The following CRYBG1 variants were observed in gnomAD, a reference collection of about 807,000 sequenced individuals.
The protein encoded by CRYBG1 is crystallin beta-gamma domain containing 1, also known as beta/gamma crystallin domain-containing protein 1.
CRYBG1 carries 139 observed loss-of-function variants against 189.2 expected under a neutral mutation model. That is an observed-to-expected ratio of 0.73 (90% CI 0.64 to 0.85). CRYBG1 has a LOEUF of 0.85. CRYBG1 is among the 40% of genes least tolerant of loss of function. CRYBG1 has a pLI of 0.00. For synonymous variants in CRYBG1, 1,023 were observed against 1,017.1 expected, an observed-to-expected ratio of 1.01 and a Z score of -0.11; for missense variants, 2,611 against 2,675.8, an observed-to-expected ratio of 0.98 and a Z score of 0.53.
intron 6 of CRYBG1, 84 bp from the exon 7 acceptor site, chr6:106,527,221 A>T (rs558987588): frequency 3.9e-5 from 43 of 1,106,434 alleles, no homozygotes; most frequent in African/African-American, 2.5e-4. Context: ...TATATATATA[A>T]AATGGCAATT....
intron 2 of CRYBG1, among the ~76,000 whole-genome samples, chr6:106,478,949 A>G (rs61413871): frequency 0.23 from 35,279 of 152,056 alleles, 5,753 homozygotes; most frequent in African/African-American, 0.45. Flanking sequence ...AGGAAAAGAA[A>G]CTCAGGGCTT....
At chr6:106,463,002 A>T (rs1004532143) in intron 2 of CRYBG1, among the ~76,000 whole-genome samples, 2 of 152,210 alleles carry the variant, frequency 1.3e-5, no homozygotes, top group Non-Finnish European at 2.9e-5. Flanking sequence ...AAAAATTTTA[A>T]AATTAGCTAG....
intron 2 of CRYBG1, among the ~76,000 whole-genome samples, chr6:106,466,892 G>A (rs1184821186): frequency 6.6e-6 from 1 of 152,210 alleles, no homozygotes; most frequent in African/African-American, 2.4e-5. Flanking sequence ...AGACATATTT[G>A]TGATAAATGA....
At chr6:106,511,203 G>GA (rs1204029929) in intron 2 of CRYBG1, among the ~76,000 whole-genome samples, 2 of 152,186 alleles carry the variant, frequency 1.3e-5, no homozygotes, top group African/African-American at 4.8e-5. Flanking sequence ...ATAATTCAAA[G>GA]AAAATGCTAT....
At chr6:106,566,166 T>G (rs1428275326) in intron 21 of CRYBG1, among the ~76,000 whole-genome samples, 3 of 108,188 alleles carry the variant, frequency 2.8e-5, no homozygotes, top group African/African-American at 1.2e-4. Flanking sequence ...GGCACCAGCG[T>G]GAAAAAAAAA....
At chr6:106,481,164 C>T (rs1582787142) in intron 2 of CRYBG1, among the ~76,000 whole-genome samples, 1 of 81,718 alleles carries the variant, frequency 1.2e-5, no homozygotes, top group African/African-American at 5.6e-5. Context: ...TTAGTAGAGA[C>T]GGGGTTTCAC....
intron 1 of CRYBG1, among the ~76,000 whole-genome samples, chr6:106,405,992 C>T (rs1378473877): frequency 1.3e-5 from 2 of 152,086 alleles, no homozygotes; most frequent in Non-Finnish European, 2.9e-5. Flanking sequence ...CACAACTCTT[C>T]GCCAGCAAGG....
chr6:106,565,378 C>T (rs9486399), intron 21 of CRYBG1, among the ~76,000 whole-genome samples: 21,473 of 151,596 alleles, frequency 0.14, 1,743 homozygotes, highest in African/African-American at 0.21. Flanking sequence ...TAAAAAACAA[C>T]TTTTCTGGAT....
At position 106,512,439 on chromosome 6, in the gene CRYBG1, C is replaced by A; in HGVS notation, c.1322C>A (p.Ala441Asp). 1 of 1,610,212 alleles carries A rather than the reference C, an allele frequency of 6.2e-7. No homozygotes were observed. Among genetic ancestry groups the A allele is most frequent in the Non-Finnish European group, 8.5e-7 (1 of 1,178,842 alleles). Residue 441 changes from alanine to aspartate, a missense_variant, in exon 3 of 22, where the codon GCT becomes GAT. Physicochemically the swap from Ala to Asp is moderately radical, Grantham distance 126. Around this residue, in one of 3 missense-constraint regions of CRYBG1, gnomAD observed 985 missense variants for 924.4 expected, o/e 1.07. Transcript: ENST00000633556. ...GCGGACGCCGAGCTCCCTGAGAGCG[C>A]TGCCAGGGACGACGCGGTGTTCGAC... ...PGADAELPES[A>D]ARDDAVFDDE...
At chr6:106,377,303 G>A (rs751188438) in intron 1 of CRYBG1, among the ~76,000 whole-genome samples, 3 of 152,042 alleles carry the variant, frequency 2.0e-5, no homozygotes, top group African/African-American at 2.4e-5. Flanking sequence ...TGGATACCAC[G>A]TTTTTGGCAT....
Position 106,512,002 on chromosome 6 carries a change from T to A in CRYBG1, c.885T>A (p.Gly295=). 1 of 1,529,620 alleles carries A rather than the reference T, an allele frequency of 6.5e-7. No homozygotes were observed. The highest frequency in any genetic ancestry group is 8.7e-7 in the Non-Finnish European group (1 of 1,143,450). 94.8% of individuals were successfully genotyped at this position (1,529,620 alleles called of 1,614,324 possible). Reference sequence around the variant, plus strand: ...AGGAGGCTTTCCTGGGTGTGAGGGGTGCGCCAGGGTCGCCCACCCAGGAGC... The same window carrying A: ...AGGAGGCTTTCCTGGGTGTGAGGGGAGCGCCAGGGTCGCCCACCCAGGAGC... ...HEQEAFLGVR[G]APGSPTQERP... is the part of the protein sequence containing the mutation. The change falls in exon 3 of 22, where the codon GGT becomes GGA. Residue 295 remains glycine (G), a synonymous_variant. Coordinates refer to ENST00000633556, the MANE Select transcript of CRYBG1 (RefSeq NM_001371242.2).
At chr6:106,378,829 T>C (rs1770227109) in intron 1 of CRYBG1, among the ~76,000 whole-genome samples, 1 of 152,192 alleles carries the variant, frequency 6.6e-6, no homozygotes, top group East Asian at 1.9e-4. Context: ...TCTTCTTCCC[T>C]TTTTTTAAAA....
chr6:106,555,157 T>G (rs546128517), intron 16 of CRYBG1, among the ~76,000 whole-genome samples: 2 of 147,106 alleles, frequency 1.4e-5, no homozygotes, highest in South Asian at 4.4e-4. Flanking sequence ...AGAGCGAGAT[T>G]CTGTCCCCCC....
chr6:106,429,597 A>G (rs951601661), intron 1 of CRYBG1, among the ~76,000 whole-genome samples: 3 of 152,238 alleles, frequency 2.0e-5, no homozygotes, highest in Admixed American at 6.5e-5. Flanking sequence ...TGATGAAACC[A>G]TTTTATTATT....
intron 2 of CRYBG1, among the ~76,000 whole-genome samples, chr6:106,503,765 A>G (rs2114512922): frequency 6.6e-6 from 1 of 152,334 alleles, no homozygotes; most frequent in South Asian, 2.1e-4. Flanking sequence ...TGTCTCTGTC[A>G]AAGTATAAAT....
At chr6:106,568,318 C>G (rs549766689) in intron 21 of CRYBG1, among the ~76,000 whole-genome samples, 154 bp from the exon 22 acceptor site, 6 of 152,218 alleles carry the variant, frequency 3.9e-5, no homozygotes, top group Admixed American at 3.3e-4. Context: ...CCACAGGGGC[C>G]CAGGCTTCCC....
At position 106,520,381 on chromosome 6, in the gene CRYBG1, C is replaced by T. The variant is rs139061896; in HGVS notation, c.3173C>T (p.Thr1058Ile). Residue 1058 changes from threonine (T) to isoleucine (I), a missense_variant, in exon 4 of 22, where the codon ACC (threonine) becomes ATC (isoleucine). Physicochemically the swap from Thr to Ile is moderately conservative, Grantham distance 89. Coordinates refer to ENST00000633556, the MANE Select transcript of CRYBG1 (RefSeq NM_001371242.2). ...RTPLMAESSP[T>I]NSPSSGNHLA... The stretch of plus-strand genomic sequence containing the variant: ...CCCCTGATGGCTGAATCCAGTCCCA[C>T]CAACTCTCCCAGCAGCGGAAATCAC... 8.1e-6 allele frequency: 13 copies of T among 1,613,998 alleles called. No individual in the cohort carries two copies. Among genetic ancestry groups the T allele is most frequent in the Non-Finnish European group, 1.0e-5 (12 of 1,180,028 alleles).
At chr6:106,424,155 A>G (rs1056102803) in intron 1 of CRYBG1, among the ~76,000 whole-genome samples, 12 of 152,212 alleles carry the variant, frequency 7.9e-5, no homozygotes, top group African/African-American at 2.7e-4. Flanking sequence ...CAAGCTATAC[A>G]TAATAATTGG....
intron 7 of CRYBG1, among the ~76,000 whole-genome samples, chr6:106,529,720 A>G (rs990361244): frequency 6.6e-6 from 1 of 152,180 alleles, no homozygotes; most frequent in African/African-American, 2.4e-5. Context: ...ATAGAGGTTT[A>G]CTCAGTCAAG....
Sources: allele counts gnomAD v4.1 joint callset (sites outside exome capture counted in the v4.1 genomes callset), GRCh38; gene constraint gnomAD v4.1.1; regional missense constraint gnomAD v4.1.1; transcripts MANE v1.5; gene names NCBI Gene and HGNC (gene_info 2026-07-23, HGNC 2026-07-21).